The following TMEM132C variants were observed in gnomAD, a reference collection of about 807,000 sequenced individuals.
TMEM132C encodes the protein transmembrane protein 132C, also known as protein phosphatase 1, regulatory subunit 152.
TMEM132C carries 29 observed loss-of-function variants against 61.4 expected under a neutral mutation model. The observed-to-expected ratio is 0.47, with a 90% confidence interval of 0.35 to 0.64. The LOEUF is 0.64. TMEM132C is among the 30% of genes least tolerant of loss of function. The pLI is 0.00. For missense variants in TMEM132C, 1,408 were observed against 1,476.9 expected, an observed-to-expected ratio of 0.95 and a Z score of 0.76; for synonymous variants, 656 against 633.1, an observed-to-expected ratio of 1.04 and a Z score of -0.54.
At position 128,506,692 on chromosome 12, in the gene TMEM132C, G is replaced by A. The variant is rs539723653; in HGVS notation, c.975-37265G>A. ...CTCTCTGCTTCTGTTGGTAATGCCC[G>A]GCCTCCCCATGCACCATCCCAGTGG... On this transcript the variant is annotated intron_variant, in intron 2 of 8. Transcript: ENST00000435159. Among the ~76,000 whole-genome samples, 20 of 152,172 alleles carry A rather than the reference G, an allele frequency of 1.3e-4. 1 individual carries two copies. The South Asian group carries it at 3.7e-3, about 28-fold the overall frequency.
chr12:128,581,155 A>C (rs1489190605), intron 3 of TMEM132C, among the ~76,000 whole-genome samples: 1 of 152,200 alleles, frequency 6.6e-6, no homozygotes, highest in Admixed American at 6.5e-5. Context: ...ATCAGGGAGC[A>C]GATATAAAGT....
At chr12:128,397,673 C>T (rs1458265515) in intron 1 of TMEM132C, among the ~76,000 whole-genome samples, 1 of 152,142 alleles carries the variant, frequency 6.6e-6, no homozygotes. Context: ...CTTTTCTCTT[C>T]TTCTTCTCTT....
chr12:128,659,547 G>A (rs112067517), intron 4 of TMEM132C, among the ~76,000 whole-genome samples: 25 of 152,340 alleles, frequency 1.6e-4, no homozygotes, highest in East Asian at 1.4e-3. Flanking sequence ...CTCTGTGGAC[G>A]TCTGTACGTG....
chr12:128,350,207 T>A (rs1235663584), intron 1 of TMEM132C, among the ~76,000 whole-genome samples: 1 of 152,220 alleles, frequency 6.6e-6, no homozygotes, highest in Non-Finnish European at 1.5e-5. Flanking sequence ...TCTATTTTTT[T>A]TCTTAAGCAG....
At chr12:128,468,129 G>A (rs1870804822) in intron 2 of TMEM132C, among the ~76,000 whole-genome samples, 6 of 152,156 alleles carry the variant, frequency 3.9e-5, no homozygotes, top group Admixed American at 3.3e-4. Context: ...GTGAATGCAT[G>A]TTGAGCAGAG....
intron 4 of TMEM132C, among the ~76,000 whole-genome samples, chr12:128,653,339 A>G (rs534025730): frequency 6.6e-6 from 1 of 152,326 alleles, no homozygotes; most frequent in Non-Finnish European, 1.5e-5. Context: ...TTCTGAAGCT[A>G]GATTAAGTGA....
intron 4 of TMEM132C, among the ~76,000 whole-genome samples, chr12:128,617,084 G>A (rs1035167720): frequency 4.6e-5 from 7 of 152,086 alleles, no homozygotes; most frequent in Non-Finnish European, 8.8e-5. Flanking sequence ...AACATTATCG[G>A]GCATGCAGAT....
At chr12:128,684,582 G>A (rs118148342) in intron 5 of TMEM132C, among the ~76,000 whole-genome samples, 11 of 152,328 alleles carry the variant, frequency 7.2e-5, no homozygotes, top group South Asian at 6.2e-4. Context: ...GTCCTGAGCC[G>A]AGAACGACGG....
Position 128,403,049 on chromosome 12 carries a change from G to C in TMEM132C, c.86-11683G>C, listed in dbSNP as rs185689835. 7.2e-5 allele frequency among the ~76,000 whole-genome samples: 11 copies of C among 152,284 alleles called. No individual in the cohort carries two copies. In the East Asian group the frequency reaches 1.4e-3, roughly 19 times the overall value. The stretch of plus-strand genomic sequence containing the variant: ...AGGAGAGCTTGACGGTTACGAAATT[G>C]CAAACCGCGCTATGTAATTTCAGCA... On this transcript the variant is annotated intron_variant, in intron 1 of 8. Coordinates refer to ENST00000435159, the MANE Select transcript of TMEM132C (RefSeq NM_001136103.3).
At chr12:128,694,576 A>G (rs1293101235) in intron 6 of TMEM132C, among the ~76,000 whole-genome samples, 1 of 152,192 alleles carries the variant, frequency 6.6e-6, no homozygotes, top group Non-Finnish European at 1.5e-5. Flanking sequence ...ATTAGCAGAC[A>G]TTAGCTAAGT....
At chr12:128,352,772 T>C (rs1245553761) in intron 1 of TMEM132C, among the ~76,000 whole-genome samples, 1 of 152,180 alleles carries the variant, frequency 6.6e-6, no homozygotes, top group East Asian at 1.9e-4. Context: ...TTTGCTTTGA[T>C]TGTTCAAGGA....
intron 2 of TMEM132C, among the ~76,000 whole-genome samples, chr12:128,452,246 C>A (rs900126413): frequency 1.3e-5 from 2 of 151,818 alleles, no homozygotes; most frequent in Non-Finnish European, 2.9e-5. Context: ...TACAGGCATG[C>A]GCCACCACAC....
At chr12:128,450,601 T>C (rs1178722459) in intron 2 of TMEM132C, among the ~76,000 whole-genome samples, 1 of 152,220 alleles carries the variant, frequency 6.6e-6, no homozygotes, top group African/African-American at 2.4e-5. Flanking sequence ...TGATTTGTAT[T>C]CATATGCATA....
At chr12:128,594,416 T>C (rs1463583237) in intron 3 of TMEM132C, among the ~76,000 whole-genome samples, 2 of 149,008 alleles carry the variant, frequency 1.3e-5, no homozygotes, top group African/African-American at 5.0e-5. Context: ...GGGGTCTTTG[T>C]TTTGTGGCTG....
At chr12:128,511,158 G>A (rs186962849) in intron 2 of TMEM132C, among the ~76,000 whole-genome samples, 46 of 152,316 alleles carry the variant, frequency 3.0e-4, no homozygotes, top group African/African-American at 8.9e-4. Context: ...CCTGGATTCA[G>A]CCACGCTGCA....
chr12:128,482,198 A>G (rs1871334396), intron 2 of TMEM132C, among the ~76,000 whole-genome samples: 1 of 152,134 alleles, frequency 6.6e-6, no homozygotes, highest in African/African-American at 2.4e-5. Context: ...GATTACGTTT[A>G]TTGATTTGCA....
At chr12:128,381,085 A>G (rs1263737731) in intron 1 of TMEM132C, among the ~76,000 whole-genome samples, 3 of 152,320 alleles carry the variant, frequency 2.0e-5, no homozygotes, top group East Asian at 3.9e-4. Flanking sequence ...GACCAAAAAC[A>G]TGAAATTACA....
At chr12:128,468,903 C>T (rs1870832577) in intron 2 of TMEM132C, among the ~76,000 whole-genome samples, 2 of 152,126 alleles carry the variant, frequency 1.3e-5, no homozygotes, top group Admixed American at 6.6e-5. Context: ...ACAGTATATG[C>T]GTCATGGTTC....
intron 2 of TMEM132C, among the ~76,000 whole-genome samples, chr12:128,515,124 C>T (rs753056966): frequency 2.0e-4 from 31 of 152,188 alleles, no homozygotes; most frequent in Non-Finnish European, 2.8e-4. Context: ...TGGACTTCAT[C>T]GGTCAGCTAA....
Sources: gnomAD v4.1 joint callset for allele counts (sites outside exome capture counted in the v4.1 genomes callset) on GRCh38, gnomAD v4.1.1 for gene constraint, MANE v1.5 for transcripts, NCBI Gene and HGNC (gene_info 2026-07-23, HGNC 2026-07-21) for gene names.